The following HCN1 variants were observed in gnomAD, a reference collection of about 807,000 sequenced individuals.
HCN1 encodes potassium/sodium hyperpolarization-activated cyclic nucleotide-gated channel 1.
HCN1 carries 13 observed loss-of-function variants against 78.9 expected under a neutral mutation model. The ratio of observed to expected loss-of-function variants is 0.16; its 90% CI spans 0.11 to 0.26. The LOEUF (loss-of-function observed/expected upper bound fraction) is 0.26. HCN1 is among the 10% of genes least tolerant of loss of function. The probability of loss-of-function intolerance (pLI) is 1.00; values close to 1 mark genes in which losing one functional copy is unlikely to be tolerated. For synonymous variants in HCN1, 552 were observed against 455.5 expected (o/e 1.21, Z -2.70); for missense variants, 810 against 1,154.3 (o/e 0.70, Z 4.32).
chr5:45,412,082 A>G (rs949170375), intron 3 of HCN1, among the ~76,000 whole-genome samples: 1 of 152,136 alleles, frequency 6.6e-6, no homozygotes. Flanking sequence ...GAATACCTTA[A>G]TAATTATCAG....
At chr5:45,532,406 C>G (rs907903763) in intron 2 of HCN1, among the ~76,000 whole-genome samples, 21 of 152,122 alleles carry the variant, frequency 1.4e-4, no homozygotes, top group African/African-American at 5.1e-4. Flanking sequence ...TTTACTATAA[C>G]TTTAGAAAAG....
At chr5:45,372,207 TTATATAATATAA>T (rs1561128117) in intron 4 of HCN1, among the ~76,000 whole-genome samples, 1 of 71,588 alleles carries the variant, frequency 1.4e-5, no homozygotes. Context: ...ATAATACATA[TTATATAATATAA>T]TATATATAAT....
chr5:45,582,566 G>C (rs1034349780), intron 2 of HCN1, among the ~76,000 whole-genome samples: 12 of 152,104 alleles, frequency 7.9e-5, no homozygotes, highest in African/African-American at 2.4e-4. Context: ...TGTTGAATAG[G>C]AGTGGTGAGA....
chr5:45,261,333 G>C lies in HCN1; in HGVS notation c.*588C>G, dbSNP rs1744732049. 6.5e-6 allele frequency: 1 copy of C among 152,678 alleles called. No individual in the cohort carries two copies. The highest frequency in any genetic ancestry group is 2.4e-5 in the African/African-American group (1 of 41,452). 9.5% of individuals were successfully genotyped at this position (152,678 alleles called of 1,614,324 possible). A position where few individuals can be genotyped will look rare whatever the true frequency, so the allele number is the denominator to read the frequency against. ...AGGTTAGTGATATTCTTAACAAACA[G>C]TGGCAATGCTAGTCTCCTACGGTGG... On this transcript the variant is annotated 3_prime_UTR_variant, in exon 8 of 8. Coordinates refer to ENST00000303230, the MANE Select transcript of HCN1 (RefSeq NM_021072.4).
chr5:45,483,742 G>A (rs1209994456), intron 2 of HCN1, among the ~76,000 whole-genome samples: 1 of 152,018 alleles, frequency 6.6e-6, no homozygotes, highest in Non-Finnish European at 1.5e-5. Context: ...CATGATTTTT[G>A]TAGTGTGAAG....
chr5:45,650,140 TA>T (rs1745649185), intron 1 of HCN1, among the ~76,000 whole-genome samples: 1 of 152,130 alleles, frequency 6.6e-6, no homozygotes, highest in Non-Finnish European at 1.5e-5. Flanking sequence ...GTTAAAATCC[TA>T]GCTCCACTAA....
chr5:45,624,847 CTG>C (rs1745131340), intron 2 of HCN1, among the ~76,000 whole-genome samples: 1 of 151,916 alleles, frequency 6.6e-6, no homozygotes, highest in South Asian at 2.1e-4. Context: ...CTTAGGTCAA[CTG>C]TGGTAAGTAA....
At chr5:45,572,845 T>TA (rs1743862425) in intron 2 of HCN1, among the ~76,000 whole-genome samples, 1 of 152,080 alleles carries the variant, frequency 6.6e-6, no homozygotes, top group African/African-American at 2.4e-5. Flanking sequence ...GAAAAAGAGA[T>TA]AAAAAATAAG....
At chr5:45,306,575 A>C (rs1330876713) in intron 5 of HCN1, among the ~76,000 whole-genome samples, 3 of 152,126 alleles carry the variant, frequency 2.0e-5, no homozygotes, top group African/African-American at 7.2e-5. Context: ...ATCTTCTTGG[A>C]TTCTAAAAAC....
At chr5:45,359,201 C>T (rs963143181) in intron 4 of HCN1, among the ~76,000 whole-genome samples, 2 of 151,962 alleles carry the variant, frequency 1.3e-5, no homozygotes, top group East Asian at 3.9e-4. Context: ...TAATTTTATA[C>T]ACTTCACATT....
intron 5 of HCN1, among the ~76,000 whole-genome samples, chr5:45,320,810 G>T (rs1746109522): frequency 6.6e-6 from 1 of 151,828 alleles, no homozygotes; most frequent in Non-Finnish European, 1.5e-5. Context: ...TTAAAAATCC[G>T]AATGGTTTTT....
At chr5:45,372,154 T>C (rs1336359046) in intron 4 of HCN1, among the ~76,000 whole-genome samples, 1 of 57,210 alleles carries the variant, frequency 1.7e-5, no homozygotes, top group Non-Finnish European at 2.6e-5. Context: ...TATTATATAA[T>C]ATGTTATTAT....
At chr5:45,615,421 A>G (rs1391462021) in intron 2 of HCN1, among the ~76,000 whole-genome samples, 1 of 152,036 alleles carries the variant, frequency 6.6e-6, no homozygotes, top group Non-Finnish European at 1.5e-5. Context: ...ATACTGGGAT[A>G]TGTTTTATGC....
rs547532420 is a variant in HCN1, at chr5:45,584,696, C to T, written c.849+60489G>A. On this transcript the variant is annotated intron_variant, in intron 2 of 7. Transcript: ENST00000303230. ...TTGTTCCTTTCCATGTTTAGTGCTT[C>T]CTTCTGGAGCTCTTTTAGGGCAGGC... Among the ~76,000 whole-genome samples, 58 of 152,264 alleles carry T rather than the reference C, an allele frequency of 3.8e-4. 1 individual carries two copies. The highest frequency in any genetic ancestry group is 1.4e-3 in the African/African-American group (58 of 41,552).
chr5:45,377,191 C>T (rs1258388607), intron 4 of HCN1, among the ~76,000 whole-genome samples: 4 of 152,000 alleles, frequency 2.6e-5, no homozygotes, highest in African/African-American at 9.6e-5. Context: ...TTGTAGCCTT[C>T]AGAAAACTGC....
chr5:45,427,968 C>G (rs1454457095), intron 3 of HCN1, among the ~76,000 whole-genome samples: 1 of 151,950 alleles, frequency 6.6e-6, no homozygotes, highest in Admixed American at 6.6e-5. Context: ...CCTGTGAAAT[C>G]TGTAGTATGG....
chr5:45,624,044 T>C (rs1400660224), intron 2 of HCN1, among the ~76,000 whole-genome samples: 1 of 152,066 alleles, frequency 6.6e-6, no homozygotes, highest in Non-Finnish European at 1.5e-5. Flanking sequence ...TGCAGGGAGA[T>C]AGTGTGGCTA....
intron 5 of HCN1, among the ~76,000 whole-genome samples, chr5:45,338,570 T>C (rs1746511142): frequency 6.6e-6 from 1 of 152,150 alleles, no homozygotes; most frequent in South Asian, 2.1e-4. Flanking sequence ...TTAGCATTTA[T>C]TTGTCATTCA....
intron 3 of HCN1, among the ~76,000 whole-genome samples, chr5:45,458,206 C>A (rs1421270010): frequency 6.6e-6 from 1 of 151,490 alleles, no homozygotes; most frequent in African/African-American, 2.4e-5. Context: ...TAGTGGGATA[C>A]AGATAAAAGT....
Sources: allele counts gnomAD v4.1 joint callset (sites outside exome capture counted in the v4.1 genomes callset), GRCh38; gene constraint gnomAD v4.1.1; transcripts MANE v1.5; gene names NCBI Gene and HGNC (gene_info 2026-07-23, HGNC 2026-07-21).